FOXO1: variants seen among roughly 807,000 people sequenced by gnomAD.
The protein encoded by FOXO1 is forkhead box protein O1.
A neutral mutation model predicts 44.1 loss-of-function variants in FOXO1; 6 were observed. That is an observed-to-expected ratio of 0.14 (90% confidence interval 0.07 to 0.27). The LOEUF is 0.27. Ranked by LOEUF, FOXO1 falls within the 10% of genes least tolerant of loss-of-function variation. The pLI, the probability that FOXO1 is intolerant of heterozygous loss-of-function variation, is 1.00. For missense variants in FOXO1, 737 were observed against 888.8 expected (o/e 0.83, Z 2.17); for synonymous variants, 380 against 362.7 (o/e 1.05, Z -0.54).
chr13:40,580,833 C>G (rs1390308336), intron 1 of FOXO1, among the ~76,000 whole-genome samples: 1 of 152,184 alleles, frequency 6.6e-6, no homozygotes, highest in African/African-American at 2.4e-5. Flanking sequence ...AGGACACAAT[C>G]AAGCAAAATA....
intron 1 of FOXO1, among the ~76,000 whole-genome samples, chr13:40,645,688 G>C (rs2137927517): frequency 6.6e-6 from 1 of 152,314 alleles, no homozygotes; most frequent in Non-Finnish European, 1.5e-5. Context: ...CCGAAAATGA[G>C]AAGGAAAGCA....
chr13:40,598,912 T>C, intron 1 of FOXO1, among the ~76,000 whole-genome samples: 1 of 152,264 alleles, frequency 6.6e-6, no homozygotes, highest in East Asian at 1.9e-4. Context: ...CTTAGTCATA[T>C]GTCTTCCTAC....
At chr13:40,606,183 T>C (rs1875990459) in intron 1 of FOXO1, among the ~76,000 whole-genome samples, 1 of 152,222 alleles carries the variant, frequency 6.6e-6, no homozygotes, top group Admixed American at 6.5e-5. Flanking sequence ...TTTTCCAAAC[T>C]GAGTTTCTAT....
At chr13:40,583,682 C>T (rs1875039672) in intron 1 of FOXO1, among the ~76,000 whole-genome samples, 1 of 152,180 alleles carries the variant, frequency 6.6e-6, no homozygotes, top group African/African-American at 2.4e-5. Context: ...TTAAGAGTTA[C>T]GGCCTTGCTC....
rs1248580007 is a variant in FOXO1 at position 40,618,454 on chromosome 13, C to T, written c.630+47129G>A. 2.6e-5 allele frequency among the ~76,000 whole-genome samples: 4 copies of T among 152,192 alleles called. No homozygotes were observed. The East Asian group carries it at 7.7e-4, about 29-fold the overall frequency. ...ACTCATCTTTCTTCTTCCAAGCTCC[C>T]AAGAGCTGTTCCACAGAACGGGATT... On this transcript the variant is annotated intron_variant, in intron 1 of 2. Transcript: ENST00000379561.
Position 40,560,618 on chromosome 13 carries a change from CTG to C in FOXO1, c.871_872del (p.Gln291ValfsTer14). 6.2e-7 allele frequency: 1 copy of C among 1,614,186 alleles called. No homozygotes were observed. The highest frequency in any genetic ancestry group is 8.5e-7 in the Non-Finnish European group (1 of 1,180,028). On this transcript the variant is annotated frameshift_variant, in exon 2 of 3. Coordinates refer to ENST00000379561, the MANE Select transcript of FOXO1 (RefSeq NM_002015.4). LOFTEE classifies it high-confidence loss of function. This position sits in a 1 kb window ranked among gnomAD's most constrained non-coding sequence, Gnocchi z 5.1. ...QEGAGDSPGS[Q>X]FSKWPASPGS... ...CAGGGCTTGCAGGCCATTTGGAAAA[CTG>C]TGATCCAGGGCTGTCCCCAGCACCC...
At chr13:40,602,655 T>C (rs905991525) in intron 1 of FOXO1, among the ~76,000 whole-genome samples, 1 of 152,224 alleles carries the variant, frequency 6.6e-6, no homozygotes, top group Non-Finnish European at 1.5e-5. Context: ...TTTTTTAAAA[T>C]GGTTGTTTTA....
chr13:40,603,746 G>A (rs1308014114), intron 1 of FOXO1, among the ~76,000 whole-genome samples: 1 of 152,114 alleles, frequency 6.6e-6, no homozygotes, highest in South Asian at 2.1e-4. Flanking sequence ...TAATTTATCA[G>A]CAGCTTAAGT....
intron 1 of FOXO1, among the ~76,000 whole-genome samples, chr13:40,589,099 C>A (rs1022941490): frequency 6.6e-6 from 1 of 152,004 alleles, no homozygotes; most frequent in Non-Finnish European, 1.5e-5. Flanking sequence ...GAGCGAGACT[C>A]TGTCTAAAAA....
At chr13:40,568,028 A>G (rs1874339560) in intron 1 of FOXO1, among the ~76,000 whole-genome samples, 1 of 152,152 alleles carries the variant, frequency 6.6e-6, no homozygotes, top group African/African-American at 2.4e-5. Context: ...TCTTTATGGC[A>G]GGAATCCATA....
chr13:40,567,572 G>A (rs900011884), intron 1 of FOXO1, among the ~76,000 whole-genome samples: 2 of 152,126 alleles, frequency 1.3e-5, no homozygotes, highest in Admixed American at 6.5e-5. Context: ...AAGAATCAAA[G>A]GAACATACTT....
chr13:40,666,061 T>C lies in FOXO1; in HGVS notation c.152A>G (p.Asn51Ser). 1 of 1,316,832 alleles carries C rather than the reference T, an allele frequency of 7.6e-7. No individual in the cohort carries two copies. Among genetic ancestry groups the C allele is most frequent in the Non-Finnish European group, 9.7e-7 (1 of 1,036,142 alleles). The allele number at this position is 1,316,832 out of a possible 1,614,324, so 81.6% of individuals were successfully genotyped here. The change falls in exon 1 of 3, where the codon AAC becomes AGC. Residue 51 changes from asparagine (N) to serine (S), a missense_variant. Around this residue, in one of 7 missense-constraint regions of FOXO1, gnomAD observed 213 missense variants for 236.4 expected, o/e 0.90. Transcript: ENST00000379561. ...SPAPSGSAAANPDAAAGLPSA... is the reference protein window; with the variant it reads ...SPAPSGSAAASPDAAAGLPSA... ...GGGCAGGCCCGCCGCGGCGTCGGGG[T>C]TGGCAGCCGCGCTGCCCGACGGCGC...
At chr13:40,642,509 T>A (rs8001443) in intron 1 of FOXO1, among the ~76,000 whole-genome samples, 2 of 152,044 alleles carry the variant, frequency 1.3e-5, no homozygotes, top group African/African-American at 2.4e-5. Context: ...ATGACAGATA[T>A]AAGCTTGGCA....
intron 1 of FOXO1, among the ~76,000 whole-genome samples, chr13:40,635,366 G>GA (rs952361014): frequency 1.7e-4 from 26 of 150,608 alleles, no homozygotes; most frequent in Admixed American, 4.0e-4. Flanking sequence ...ACATTTAGGG[G>GA]AAAAAAAAAC....
intron 1 of FOXO1, among the ~76,000 whole-genome samples, chr13:40,591,704 A>AAT (rs1271549465): frequency 6.6e-6 from 1 of 152,128 alleles, no homozygotes; most frequent in African/African-American, 2.4e-5. Flanking sequence ...AACTACTAAA[A>AAT]ATATATATAT....
At chr13:40,583,332 G>A (rs1425951433) in intron 1 of FOXO1, among the ~76,000 whole-genome samples, 1 of 152,176 alleles carries the variant, frequency 6.6e-6, no homozygotes, top group East Asian at 1.9e-4. Context: ...ATGAGCATTG[G>A]CTTCAACTTC....
intron 1 of FOXO1, among the ~76,000 whole-genome samples, chr13:40,615,302 C>A (rs1876382040): frequency 6.6e-6 from 1 of 152,036 alleles, no homozygotes; most frequent in South Asian, 2.1e-4. Context: ...TCTGGGAGGC[C>A]GAGGCAGGCG....
chr13:40,653,474 A>G (rs944424680), intron 1 of FOXO1, among the ~76,000 whole-genome samples: 1 of 152,174 alleles, frequency 6.6e-6, no homozygotes, highest in African/African-American at 2.4e-5. Flanking sequence ...AGGAAAACCA[A>G]TATGAAAGGA....
intron 1 of FOXO1, among the ~76,000 whole-genome samples, chr13:40,583,226 T>C (rs1172005594): frequency 1.3e-5 from 2 of 152,328 alleles, no homozygotes; most frequent in Non-Finnish European, 2.9e-5. Context: ...TGTAAACAGA[T>C]GTGCTGTCGC....
Sources: allele counts gnomAD v4.1 joint callset (sites outside exome capture counted in the v4.1 genomes callset), GRCh38; gene constraint gnomAD v4.1.1; regional missense constraint gnomAD v4.1.1; non-coding constraint Gnocchi (gnomAD v3.1); transcripts MANE v1.5; gene names NCBI Gene and HGNC (gene_info 2026-07-23, HGNC 2026-07-21).